The following MROH9 variants were observed in gnomAD, a reference collection of about 807,000 sequenced individuals.
MROH9 encodes the protein maestro heat-like repeat-containing protein family member 9.
In MROH9, 92 loss-of-function variants were observed where a neutral mutation model predicts 98.2. The ratio of observed to expected loss-of-function variants is 0.94; its 90% confidence interval spans 0.79 to 1.11. The LOEUF (loss-of-function observed/expected upper bound fraction) is 1.11. Among genes scored for constraint, MROH9 ranks in the 50% most tolerant of loss-of-function variants. MROH9 has a pLI of 0.00. For synonymous variants in MROH9, 397 were observed against 368.9 expected (o/e 1.08, Z -0.87); for missense variants, 1,057 against 1,014.8 (o/e 1.04, Z -0.57).
chr1:170,982,152 T>A (rs1233675616), intron 8 of MROH9, among the ~76,000 whole-genome samples: 9 of 152,208 alleles, frequency 5.9e-5, no homozygotes, highest in Admixed American at 5.9e-4. Flanking sequence ...TGAATGTTCA[T>A]AACACCATTA....
intron 2 of MROH9, among the ~76,000 whole-genome samples, chr1:170,946,936 C>T (rs894455670): frequency 3.0e-4 from 46 of 151,850 alleles, no homozygotes; most frequent in Non-Finnish European, 1.6e-4. Context: ...TTATATTTTC[C>T]TTTCCAGTTT....
At chr1:171,054,750 A>T (rs1653775709) in intron 20 of MROH9, among the ~76,000 whole-genome samples, 2 of 152,182 alleles carry the variant, frequency 1.3e-5, no homozygotes, top group African/African-American at 4.8e-5. Flanking sequence ...ACCTATGAAA[A>T]TATGCTCCAC....
chr1:171,024,002 T>C (rs1652608160), intron 17 of MROH9, among the ~76,000 whole-genome samples: 1 of 152,202 alleles, frequency 6.6e-6, no homozygotes, highest in Non-Finnish European at 1.5e-5. Flanking sequence ...GATCATGCAA[T>C]ATTTGTCTTT....
At chr1:170,949,096 G>C (rs1649449307) in intron 3 of MROH9, among the ~76,000 whole-genome samples, 1 of 152,064 alleles carries the variant, frequency 6.6e-6, no homozygotes, top group Non-Finnish European at 1.5e-5. Flanking sequence ...ACCTTTCAAA[G>C]TTGACCCTCT....
chr1:170,941,479 C>T (rs1039092888), intron 1 of MROH9, among the ~76,000 whole-genome samples: 2 of 152,058 alleles, frequency 1.3e-5, no homozygotes, highest in East Asian at 3.8e-4. Context: ...TTTAATAGGC[C>T]TCCTATCTGT....
At chr1:170,947,314 T>C (rs1268237592) in intron 2 of MROH9, among the ~76,000 whole-genome samples, 1 of 152,044 alleles carries the variant, frequency 6.6e-6, no homozygotes, top group African/African-American at 2.4e-5. Flanking sequence ...ATTCTTTTAA[T>C]GTGCTGCCAT....
intron 17 of MROH9, among the ~76,000 whole-genome samples, chr1:171,019,953 C>T (rs150251824): frequency 2.0e-5 from 3 of 152,176 alleles, no homozygotes; most frequent in Non-Finnish European, 4.4e-5. Context: ...GACCCCCCAG[C>T]ACTGCAAACT....
chr1:171,052,349 A>G (rs1653696020), intron 20 of MROH9, among the ~76,000 whole-genome samples: 2 of 152,180 alleles, frequency 1.3e-5, no homozygotes, highest in African/African-American at 4.8e-5. Flanking sequence ...CCCCAGTGGT[A>G]GTCATAAGTA....
At chr1:170,970,399 A>T (rs1432854142) in intron 7 of MROH9, among the ~76,000 whole-genome samples, 1 of 151,880 alleles carries the variant, frequency 6.6e-6, no homozygotes, top group Non-Finnish European at 1.5e-5. Context: ...GAAAAAAAAA[A>T]AACTTGGAAT....
chr1:170,942,368 G>GAC (rs10529238), intron 1 of MROH9, among the ~76,000 whole-genome samples: 3,667 of 144,974 alleles, frequency 0.025, 79 homozygotes, highest in East Asian at 0.092. Flanking sequence ...ATGTAGAGTA[G>GAC]ACACACACAC....
intron 8 of MROH9, among the ~76,000 whole-genome samples, chr1:170,979,817 C>T (rs1650856387): frequency 1.3e-5 from 2 of 152,164 alleles, no homozygotes; most frequent in African/African-American, 4.8e-5. Flanking sequence ...TTGCAGATTA[C>T]ATCATTTTAT....
chr1:170,974,264 A>G (rs1650595989), intron 8 of MROH9, among the ~76,000 whole-genome samples: 1 of 152,194 alleles, frequency 6.6e-6, no homozygotes, highest in Non-Finnish European at 1.5e-5. Context: ...AAGAATAATG[A>G]CTGAAAAATT....
At chr1:171,021,902 G>GA (rs531816242) in intron 17 of MROH9, among the ~76,000 whole-genome samples, 16,384 of 129,628 alleles carry the variant, frequency 0.13, 2,854 homozygotes, top group African/African-American at 0.4. Context: ...AAATTTACAA[G>GA]AAAAAAAAAA....
chr1:171,062,226 G>A (rs576678379), intron 21 of MROH9, 32 bp downstream of exon 21: 2 of 1,419,046 alleles, frequency 1.4e-6, no homozygotes, highest in South Asian at 1.3e-5. Context: ...AAATCTTTAT[G>A]CATAAATCTA....
At chr1:170,946,433 G>A (rs977677823) in intron 2 of MROH9, among the ~76,000 whole-genome samples, 17 of 151,954 alleles carry the variant, frequency 1.1e-4, no homozygotes, top group African/African-American at 3.9e-4. Flanking sequence ...TAAATGCAAC[G>A]TGGAATCCTG....
At chr1:171,047,886 T>C (rs148934730) in intron 20 of MROH9, among the ~76,000 whole-genome samples, 2 of 152,354 alleles carry the variant, frequency 1.3e-5, no homozygotes, top group Admixed American at 1.3e-4. Context: ...CAAGTAACAC[T>C]GTGGTTCTTG....
chr1:171,015,748 T>C (rs1179808528), intron 16 of MROH9, among the ~76,000 whole-genome samples: 1 of 152,140 alleles, frequency 6.6e-6, no homozygotes, highest in Admixed American at 6.5e-5. Context: ...GCCAATTCCC[T>C]GGTGTAAAGA....
intron 20 of MROH9, among the ~76,000 whole-genome samples, chr1:171,026,353 C>T (rs977691017): frequency 4.6e-5 from 7 of 151,794 alleles, no homozygotes; most frequent in African/African-American, 7.3e-5. Context: ...TGGCTCACTG[C>T]AACCTCCACC....
chr1:171,052,360 C>A (rs1444678021), intron 20 of MROH9, among the ~76,000 whole-genome samples: 1 of 152,144 alleles, frequency 6.6e-6, no homozygotes, highest in Non-Finnish European at 1.5e-5. Context: ...GTCATAAGTA[C>A]CAGCTTTTAT....
Sources: allele counts gnomAD v4.1 joint callset (sites outside exome capture counted in the v4.1 genomes callset), GRCh38; gene constraint gnomAD v4.1.1; transcripts MANE v1.5; gene names NCBI Gene and HGNC (gene_info 2026-07-23, HGNC 2026-07-21).